Variants in PLA2R1 observed in about 807,000 individuals in gnomAD.
PLA2R1 encodes the protein phospholipase A2 receptor 1, also known as secretory phospholipase A2 receptor.
A neutral mutation model predicts 195.9 loss-of-function variants in PLA2R1; 158 were observed. The observed-to-expected ratio is 0.81, with a 90% confidence interval of 0.71 to 0.92. PLA2R1 has a LOEUF of 0.92. Among genes scored for constraint, PLA2R1 ranks in the 40% least tolerant of loss-of-function variants. The pLI is 0.00. For missense variants in PLA2R1, 1,626 were observed against 1,764.6 expected (o/e 0.92, Z 1.41); for synonymous variants, 586 against 598.2 (o/e 0.98, Z 0.30).
At chr2:159,989,776 T>C (rs1391020851) in intron 11 of PLA2R1, among the ~76,000 whole-genome samples, 1 of 152,232 alleles carries the variant, frequency 6.6e-6, no homozygotes, top group Non-Finnish European at 1.5e-5. Context: ...TTTTGTGGCA[T>C]AAGTTCTGCC....
chr2:160,032,509 A>AT (rs1357560827), intron 4 of PLA2R1, among the ~76,000 whole-genome samples: 9 of 152,178 alleles, frequency 5.9e-5, no homozygotes, highest in Non-Finnish European at 1.0e-4. Flanking sequence ...TTCCCACTAA[A>AT]TTTTAAGGTT....
At chr2:159,980,479 A>T (rs1040554968) in intron 13 of PLA2R1, among the ~76,000 whole-genome samples, 1 of 152,222 alleles carries the variant, frequency 6.6e-6, no homozygotes, top group Non-Finnish European at 1.5e-5. Flanking sequence ...TTAAACATTC[A>T]TGTATTCTCT....
chr2:160,028,504 C>A, intron 5 of PLA2R1, 143 bp from the exon 6 acceptor site: 1 of 670,922 alleles, frequency 1.5e-6, no homozygotes, highest in Non-Finnish European at 2.6e-6. Flanking sequence ...TATGATTTTG[C>A]AGTTACAGTC....
intron 23 of PLA2R1, 119 bp downstream of exon 23, chr2:159,955,080 C>T (rs1375629305): frequency 1.4e-6 from 1 of 704,934 alleles, no homozygotes; most frequent in Non-Finnish European, 2.4e-6. Flanking sequence ...AGAAGAAGTG[C>T]CTGACACTGT....
In PLA2R1 at chr2:159,941,481, C is replaced by T. The variant is rs924649530; in HGVS notation, c.*297G>A. 3 of 209,028 alleles carry T rather than the reference C, an allele frequency of 1.4e-5. No homozygotes were observed. The highest frequency in any genetic ancestry group is 9.5e-6 in the Non-Finnish European group (1 of 104,880). The allele number at this position is 209,028 out of a possible 1,614,324, so 12.9% of individuals were successfully genotyped here. ...ATACATTAATGCAAAAACTATTATT[C>T]GCATTGATTTCAGAGTTTTCAATAG... On this transcript the variant is annotated 3_prime_UTR_variant, in exon 30 of 30. Transcript: ENST00000283243.
In PLA2R1 at chr2:159,946,924, G is replaced by C. The variant is rs778403102; in HGVS notation, c.3851-7C>G. The stretch of plus-strand genomic sequence containing the variant: ...ATTGTTAAAAGATTAGAACCTATAA[G>C]AGAGACAAGTAGCAAAGGAATATTT... On this transcript the variant is annotated splice_region_variant and splice_polypyrimidine_tract_variant and intron_variant, in intron 26 of 29. Transcript: ENST00000283243. The C allele has an allele frequency of 6.5e-7, 1 of 1,539,560 alleles. No homozygotes were observed. Among genetic ancestry groups the C allele is most frequent in the Non-Finnish European group, 8.9e-7 (1 of 1,122,524 alleles).
chr2:160,022,054 G>A (rs1409358881), intron 7 of PLA2R1, among the ~76,000 whole-genome samples: 2 of 152,132 alleles, frequency 1.3e-5, no homozygotes, highest in African/African-American at 4.8e-5. Context: ...GTCATCAAAG[G>A]AGATCCTGGA....
intron 10 of PLA2R1, 115 bp from the exon 11 acceptor site, chr2:160,005,936 T>G (rs1158646190): frequency 5.6e-6 from 4 of 720,510 alleles, no homozygotes; most frequent in Non-Finnish European, 7.3e-6. Flanking sequence ...TCATCAATTC[T>G]TTAGAACATG....
rs369049718 is a variant in PLA2R1 at position 159,949,613 on chromosome 2, G to A, written c.3704C>T (p.Pro1235Leu). 8 of 1,612,188 alleles carry A rather than the reference G, an allele frequency of 5.0e-6. No homozygotes were observed. Among genetic ancestry groups the A allele is most frequent in the African/African-American group, 1.3e-5 (1 of 74,872 alleles). The change falls in exon 25 of 30, where the codon CCA becomes CTA. Residue 1235 changes from proline (P) to leucine (L), a missense_variant. Transcript: ENST00000283243. Reference sequence around the variant, plus strand: ...TTGAATAGAATTGAACCTACCAGGTGGCACATGACAAATGGCACCTTGCAG... The same window carrying A: ...TTGAATAGAATTGAACCTACCAGGTAGCACATGACAAATGGCACCTTGCAG... ...SFLQGAICHV[P>L]PETRQSEHPE...
intron 1 of PLA2R1, among the ~76,000 whole-genome samples, chr2:160,048,460 G>T (rs1695020269): frequency 6.6e-6 from 1 of 152,138 alleles, no homozygotes; most frequent in African/African-American, 2.4e-5. Context: ...AATAGAATAT[G>T]ATCCTAGCAC....
Position 159,942,142 on chromosome 2 carries a change from C to A in PLA2R1, c.4162G>T (p.Ala1388Ser), listed in dbSNP as rs765884123. 17 of 1,610,758 alleles carry A rather than the reference C, an allele frequency of 1.1e-5. No homozygotes were observed. The East Asian group carries it at 3.8e-4, about 36-fold the overall frequency. Residue 1388 changes from alanine (A) to serine (S), a missense_variant, in exon 29 of 30, where the codon GCG becomes TCG. By Grantham distance (99) the Ala-to-Ser change is moderately conservative. Transcript: ENST00000283243. ...TCAAACGTACCTTTTTCTGGCAGCG[C>A]CTCTGCAGTGTGAATATCTAAAATC... Reference protein sequence around the residue: ...KMEADIHTAEALPEKGPSHSI... With the variant: ...KMEADIHTAESLPEKGPSHSI...
chr2:160,008,217 G>T (rs1212941432), intron 10 of PLA2R1, among the ~76,000 whole-genome samples: 3 of 152,156 alleles, frequency 2.0e-5, no homozygotes, highest in African/African-American at 7.2e-5. Context: ...GAGGCGGGAG[G>T]ATGGCTTGAG....
downstream of PLA2R1, among the ~76,000 whole-genome samples, chr2:159,928,372 T>A (rs1686529756): frequency 6.6e-6 from 1 of 152,070 alleles, no homozygotes. Flanking sequence ...AAATCATACA[T>A]GAGACTGAGG....
rs567347162 is a variant in PLA2R1 at position 159,981,368 on chromosome 2, C to A, written c.2184-1454G>T. Among the ~76,000 whole-genome samples, 32 of 152,144 alleles carry A rather than the reference C, an allele frequency of 2.1e-4. No homozygotes were observed. The South Asian group carries it at 6.2e-3, about 30-fold the overall frequency. On this transcript the variant is annotated intron_variant, in intron 13 of 29. Transcript: ENST00000283243. ...ATTAAGCATCAGATTTGACTGAATT[C>A]TCTGGTAGTCTGGGAATAAACTGAA...
chr2:160,017,243 T>G (rs565438883), intron 8 of PLA2R1, among the ~76,000 whole-genome samples: 22 of 152,268 alleles, frequency 1.4e-4, no homozygotes, highest in African/African-American at 4.6e-4. Flanking sequence ...AACTGAAACC[T>G]AGATGATTGG....
intron 1 of PLA2R1, among the ~76,000 whole-genome samples, chr2:160,045,529 G>A (rs536887438): frequency 3.3e-5 from 5 of 152,320 alleles, no homozygotes; most frequent in African/African-American, 1.2e-4. Flanking sequence ...GACACTGGGT[G>A]CCAATGGATA....
At chr2:160,016,521 A>G (rs1692777319) in intron 9 of PLA2R1, 93 bp downstream of exon 9, 3 of 694,358 alleles carry the variant, frequency 4.3e-6, no homozygotes, top group Admixed American at 2.2e-5. Flanking sequence ...AGAGAGAGAG[A>G]GGAGAAAGAG....
intron 3 of PLA2R1, among the ~76,000 whole-genome samples, chr2:160,036,376 C>T (rs754348560): frequency 2.6e-4 from 39 of 152,156 alleles, no homozygotes; most frequent in South Asian, 4.2e-4. Context: ...GTGAGAAGTC[C>T]TACTCCTGGT....
chr2:159,956,661 CTGTATCTTTCTAAGTGAATTAAAAATT>C (rs745439430), intron 20 of PLA2R1, 34 bp from the exon 21 acceptor site: 1 of 1,203,574 alleles, frequency 8.3e-7, no homozygotes, highest in South Asian at 1.2e-5. Context: ...ACATTCATTT[CTGTATCTTTCTAAGTGAATTAAAAATT>C]TCCCAAAGAC....
Sources: gnomAD v4.1 joint callset for allele counts (sites outside exome capture counted in the v4.1 genomes callset) on GRCh38, gnomAD v4.1.1 for gene constraint, MANE v1.5 for transcripts, NCBI Gene and HGNC (gene_info 2026-07-23, HGNC 2026-07-21) for gene names.